The following UNC5C variants were observed in gnomAD, a reference collection of about 807,000 sequenced individuals.
UNC5C encodes unc-5 netrin receptor C.
In UNC5C, 47 loss-of-function variants were observed where a neutral mutation model predicts 99.8. The observed-to-expected ratio is 0.47, with a 90% CI of 0.37 to 0.60. The LOEUF (loss-of-function observed/expected upper bound fraction) is 0.60. Among genes scored for constraint, UNC5C ranks in the 20% least tolerant of loss-of-function variants. UNC5C has a pLI of 0.00. For missense variants in UNC5C, 1,062 were observed against 1,165.9 expected (o/e 0.91, Z 1.30); for synonymous variants, 487 against 452.2 (o/e 1.08, Z -0.98).
intron 1 of UNC5C, among the ~76,000 whole-genome samples, chr4:95,360,648 A>G (rs531816546): frequency 6.6e-6 from 1 of 152,168 alleles, no homozygotes; most frequent in Non-Finnish European, 1.5e-5. Context: ...ATACAAAACA[A>G]TGATTATGAG....
In UNC5C at chr4:95,169,011, C is replaced by T. The variant is rs895234938; in HGVS notation, c.*223G>A. 26 of 538,920 alleles carry T rather than the reference C, an allele frequency of 4.8e-5. No individual in the cohort carries two copies. Among genetic ancestry groups the T allele is most frequent in the African/African-American group, 4.7e-4 (25 of 53,134 alleles). 33.4% of individuals were successfully genotyped at this position (538,920 alleles called of 1,614,324 possible). A position where few individuals can be genotyped will look rare whatever the true frequency, so the allele number is the denominator to read the frequency against. ...GGAAAATTAGGTTGATAGCTAAATT[C>T]AAGGTACAAATTTACACAATTTTTC... On this transcript the variant is annotated 3_prime_UTR_variant, in exon 16 of 16. Transcript: ENST00000453304.
In UNC5C at chr4:95,163,808, AC is replaced by A. The variant is rs1192897245; in HGVS notation, c.*5425del. 7 of 152,222 alleles carry A rather than the reference AC, an allele frequency of 4.6e-5. No individual in the cohort carries two copies. The highest frequency in any genetic ancestry group is 1.4e-4 in the African/African-American group (6 of 41,518). The allele number at this position is 152,222 out of a possible 1,614,324, so 9.4% of individuals were successfully genotyped here. A position where few individuals can be genotyped will look rare whatever the true frequency, so the allele number is the denominator to read the frequency against. On this transcript the variant is annotated 3_prime_UTR_variant, in exon 16 of 16. Coordinates refer to ENST00000453304, the MANE Select transcript of UNC5C (RefSeq NM_003728.4). ...TCACGACATTCTGCAGAGATTCCCAACCTGGGATTCCAGAAGATCTCTGGAC... is the reference window on the plus strand; with the variant it reads ...TCACGACATTCTGCAGAGATTCCCAACTGGGATTCCAGAAGATCTCTGGAC...
intron 6 of UNC5C, 95 bp from the exon 7 acceptor site, chr4:95,242,688 G>C (rs1739371227): frequency 7.6e-7 from 1 of 1,308,242 alleles, no homozygotes; most frequent in South Asian, 1.6e-5. Flanking sequence ...AACAAAACAA[G>C]AACAAGCATG....
At chr4:95,177,986 G>A (rs932784743) in intron 14 of UNC5C, among the ~76,000 whole-genome samples, 1 of 152,058 alleles carries the variant, frequency 6.6e-6, no homozygotes, top group Non-Finnish European at 1.5e-5. Flanking sequence ...GGGATTACAG[G>A]TGTGAGCCAC....
intron 14 of UNC5C, among the ~76,000 whole-genome samples, chr4:95,179,873 T>TACC (rs142567630): frequency 0.022 from 3,408 of 152,178 alleles, 130 homozygotes; most frequent in African/African-American, 0.077. Flanking sequence ...GGATACATGC[T>TACC]ACCTTCTTTT....
chr4:95,540,479 A>G (rs1177007377), intron 1 of UNC5C, among the ~76,000 whole-genome samples: 2 of 152,124 alleles, frequency 1.3e-5, no homozygotes, highest in Non-Finnish European at 1.5e-5. Flanking sequence ...GCCTCCTTCA[A>G]TCCTTGAATT....
intron 2 of UNC5C, among the ~76,000 whole-genome samples, chr4:95,321,206 C>G (rs1244698205): frequency 6.6e-6 from 1 of 152,054 alleles, no homozygotes; most frequent in Admixed American, 6.5e-5. Flanking sequence ...TCGGGGTGCT[C>G]TGGAGTACAT....
intron 1 of UNC5C, among the ~76,000 whole-genome samples, chr4:95,375,390 T>A (rs1383228192): frequency 2.6e-5 from 4 of 152,138 alleles, no homozygotes; most frequent in South Asian, 2.1e-4. Flanking sequence ...GGTAAAAAAA[T>A]GACAATGGAT....
At chr4:95,369,035 T>C (rs1382589000) in intron 1 of UNC5C, among the ~76,000 whole-genome samples, 1 of 151,894 alleles carries the variant, frequency 6.6e-6, no homozygotes, top group Non-Finnish European at 1.5e-5. Flanking sequence ...ATTTTGAATT[T>C]GTTTGTAGAG....
chr4:95,387,272 G>A (rs1375074556), intron 1 of UNC5C, among the ~76,000 whole-genome samples: 1 of 152,034 alleles, frequency 6.6e-6, no homozygotes. Flanking sequence ...TCAAGTAGCT[G>A]GGACTATAGG....
rs544940487 is a variant in UNC5C at position 95,324,491 on chromosome 4, C to T, written c.346+10919G>A. Among the ~76,000 whole-genome samples the T allele has an allele frequency of 2.6e-5, 4 of 152,080 alleles. No homozygotes were observed. The South Asian group carries it at 8.3e-4, about 32-fold the overall frequency. The stretch of plus-strand genomic sequence containing the variant: ...ATAAATGTAATGTACTTGAATCATC[C>T]CTAAATCATCCCCCTCCCACTTTGC... On this transcript the variant is annotated intron_variant, in intron 2 of 15. Coordinates refer to ENST00000453304, the MANE Select transcript of UNC5C (RefSeq NM_003728.4).
Position 95,317,100 on chromosome 4 carries a change from C to T in UNC5C, c.347-15351G>A, listed in dbSNP as rs151098171. On this transcript the variant is annotated intron_variant, in intron 2 of 15. Coordinates refer to ENST00000453304, the MANE Select transcript of UNC5C (RefSeq NM_003728.4). ...ACATAAAGCAGCAGTTGGGACTTCA[C>T]AAAGGAAATCTCTGCACTTTTTATT... Among the ~76,000 whole-genome samples the T allele has an allele frequency of 3.1e-3, 474 of 152,126 alleles. 4 individuals are homozygous for T. The highest frequency in any genetic ancestry group is 0.011 in the African/African-American group (457 of 41,492).
At chr4:95,464,011 C>T (rs1338734758) in intron 1 of UNC5C, among the ~76,000 whole-genome samples, 1 of 152,044 alleles carries the variant, frequency 6.6e-6, no homozygotes, top group African/African-American at 2.4e-5. Context: ...TCAGGAAGTG[C>T]AAAATGAAAT....
chr4:95,446,470 G>A (rs571255406), intron 1 of UNC5C, among the ~76,000 whole-genome samples: 47 of 152,286 alleles, frequency 3.1e-4, no homozygotes, highest in Non-Finnish European at 6.3e-4. Flanking sequence ...GACATTCTGG[G>A]AAAGAAAGAA....
At chr4:95,504,878 A>G (rs1721873957) in intron 1 of UNC5C, among the ~76,000 whole-genome samples, 1 of 152,062 alleles carries the variant, frequency 6.6e-6, no homozygotes, top group African/African-American at 2.4e-5. Context: ...GGTCTGTTTT[A>G]TAGTTTTTAT....
At chr4:95,494,932 A>AAT (rs1721592267) in intron 1 of UNC5C, among the ~76,000 whole-genome samples, 1 of 151,444 alleles carries the variant, frequency 6.6e-6, no homozygotes, top group Non-Finnish European at 1.5e-5. Context: ...ATTTTATATG[A>AAT]ATATATATGG....
intron 1 of UNC5C, among the ~76,000 whole-genome samples, chr4:95,381,271 T>C (rs755534541): frequency 3.3e-5 from 5 of 152,222 alleles, no homozygotes; most frequent in Non-Finnish European, 7.3e-5. Context: ...TGAAGAGCTA[T>C]ACCATGGAGC....
chr4:95,419,171 G>C (rs1423721486), intron 1 of UNC5C, among the ~76,000 whole-genome samples: 1 of 152,140 alleles, frequency 6.6e-6, no homozygotes, highest in African/African-American at 2.4e-5. Context: ...GATGGAGAAA[G>C]ATTATCCCCA....
At chr4:95,474,362 C>T (rs1331014009) in intron 1 of UNC5C, among the ~76,000 whole-genome samples, 1 of 152,154 alleles carries the variant, frequency 6.6e-6, no homozygotes, top group Non-Finnish European at 1.5e-5. Context: ...GCAATCTCTG[C>T]TCACTGCAAC....
Sources: allele counts gnomAD v4.1 joint callset (sites outside exome capture counted in the v4.1 genomes callset), GRCh38; gene constraint gnomAD v4.1.1; transcripts MANE v1.5; gene names NCBI Gene and HGNC (gene_info 2026-07-23, HGNC 2026-07-21).